The following AMACR variants were observed in gnomAD, a reference collection of about 807,000 sequenced individuals.
AMACR encodes the protein 2-methylacyl-CoA racemase.
AMACR carries 18 observed loss-of-function variants against 22.2 expected under a neutral mutation model. The observed-to-expected ratio is 0.81, with a 90% confidence interval of 0.56 to 1.20. The LOEUF (loss-of-function observed/expected upper bound fraction) is 1.20, where lower values mean the gene tolerates loss of function less well. Ranked by LOEUF, AMACR falls within the 50% of genes most tolerant of loss-of-function variation. AMACR has a pLI of 0.00. For synonymous variants in AMACR, 213 were observed against 191.3 expected, an observed-to-expected ratio of 1.11 and a Z score of -0.94; for missense variants, 499 against 490.6, an observed-to-expected ratio of 1.02 and a Z score of -0.16.
chr5:34,004,855 A>C, intron 2 of AMACR, 121 bp from the exon 3 acceptor site: 1 of 1,177,748 alleles, frequency 8.5e-7, no homozygotes, highest in East Asian at 2.6e-5. Context: ...GAAAGCTAGT[A>C]TACATCACTT....
intron 3 of AMACR, among the ~76,000 whole-genome samples, chr5:34,001,796 T>C (rs995058816): frequency 1.3e-5 from 2 of 152,158 alleles, no homozygotes; most frequent in Non-Finnish European, 2.9e-5. Context: ...TTCGGCCCAT[T>C]AGAAGGTATC....
At chr5:33,991,789 G>A (rs1039595534) in intron 4 of AMACR, among the ~76,000 whole-genome samples, 3 of 151,152 alleles carry the variant, frequency 2.0e-5, no homozygotes, top group Admixed American at 6.6e-5. Flanking sequence ...CACCCAGGCT[G>A]GAGTGCGGTG....
In AMACR at chr5:34,002,065, C is replaced by T. The variant is rs192593645; in HGVS notation, c.552+2509G>A. On this transcript the variant is annotated intron_variant, in intron 3 of 4. Transcript: ENST00000335606. ...AGGCTGAAGTGTAGTAGTGTGGTCT[C>T]GGCTCACTGCAACCTCTGCCTCCTG... Among the ~76,000 whole-genome samples the T allele has an allele frequency of 6.7e-3, 1,018 of 151,916 alleles. 11 individuals carry two copies. The highest frequency in any genetic ancestry group is 0.023 in the African/African-American group (971 of 41,378).
chr5:33,991,021 G>T (rs968270738), intron 4 of AMACR, among the ~76,000 whole-genome samples: 8 of 150,114 alleles, frequency 5.3e-5, no homozygotes, highest in African/African-American at 1.7e-4. Context: ...TGAGTGAAAG[G>T]CACATAAAAT....
At chr5:33,996,290 G>A (rs948325976) in intron 4 of AMACR, among the ~76,000 whole-genome samples, 38 of 152,152 alleles carry the variant, frequency 2.5e-4, no homozygotes, top group Admixed American at 2.5e-3. Context: ...AGGGGACTTT[G>A]AAAAGCTCCA....
At chr5:34,001,610 C>T (rs1402507066) in intron 3 of AMACR, among the ~76,000 whole-genome samples, 1 of 152,228 alleles carries the variant, frequency 6.6e-6, no homozygotes, top group Non-Finnish European at 1.5e-5. Flanking sequence ...GTTAATTTAA[C>T]AACGCTGTGC....
intron 4 of AMACR, among the ~76,000 whole-genome samples, chr5:33,990,231 G>C (rs1753435192): frequency 6.6e-6 from 1 of 152,180 alleles, no homozygotes; most frequent in Non-Finnish European, 1.5e-5. Context: ...CTAGGATGAA[G>C]GACTTGTAAG....
Position 34,004,666 on chromosome 5 carries a change from C to G in AMACR, c.460G>C (p.Ala154Pro). 1 of 1,614,202 alleles carries G rather than the reference C, an allele frequency of 6.2e-7. No individual in the cohort carries two copies. The highest frequency in any genetic ancestry group is 8.5e-7 in the Non-Finnish European group (1 of 1,180,052). The change falls in exon 3 of 5, where the codon GCT becomes CCT. Residue 154 changes from alanine to proline, a missense_variant. By Grantham distance (27) the Ala-to-Pro change is conservative. Coordinates refer to ENST00000335606, the MANE Select transcript of AMACR (RefSeq NM_014324.6). ...YAPLNLLADF[A>P]GGGLMCALGI... Reference sequence around the variant, plus strand: ...AGTGCACACATAAGGCCACCACCAGCAAAGTCAGCCAGGAGATTCAGCGGG... The same window carrying G: ...AGTGCACACATAAGGCCACCACCAGGAAAGTCAGCCAGGAGATTCAGCGGG...
intron 4 of AMACR, among the ~76,000 whole-genome samples, chr5:33,989,853 C>T (rs1274645419): frequency 6.6e-6 from 1 of 152,026 alleles, no homozygotes; most frequent in Non-Finnish European, 1.5e-5. Flanking sequence ...AAATAACTCC[C>T]TATTTTCTAT....
At chr5:33,995,177 C>A (rs1459672790) in intron 4 of AMACR, among the ~76,000 whole-genome samples, 1 of 152,168 alleles carries the variant, frequency 6.6e-6, no homozygotes, top group Non-Finnish European at 1.5e-5. Context: ...GCTATCAGCC[C>A]ATTAGTCACT....
intron 4 of AMACR, chr5:33,997,488 T>G (rs904856680): frequency 3.8e-6 from 3 of 779,906 alleles, no homozygotes; most frequent in Admixed American, 1.7e-5. Context: ...TGCTTCCTGT[T>G]GTATTTTCAG....
Position 33,997,609 on chromosome 5 carries a change from C to T in AMACR, c.739+1032G>A, listed in dbSNP as rs542211463. 13 of 732,040 alleles carry T rather than the reference C, an allele frequency of 1.8e-5. No individual in the cohort carries two copies. In the East Asian group the frequency reaches 2.2e-4, roughly 12 times the overall value. The allele number at this position is 732,040 out of a possible 1,614,324, so 45.3% of individuals were successfully genotyped here. On this transcript the variant is annotated intron_variant, in intron 4 of 4. Coordinates refer to ENST00000335606, the MANE Select transcript of AMACR (RefSeq NM_014324.6). ...GTGTTCATGGCTCCACAGAGCTCCA[C>T]CAGAGCATCATGAGCAGCCAGAGCT...
At position 34,004,595 on chromosome 5, in the gene AMACR, A is replaced by C; in HGVS notation, c.531T>G (p.Gly177=). 2 of 1,614,088 alleles carry C rather than the reference A, an allele frequency of 1.2e-6. No individual in the cohort carries two copies. The highest frequency in any genetic ancestry group is 1.7e-6 in the Non-Finnish European group (2 of 1,180,002). The change falls in exon 3 of 5, where the codon GGT becomes GGG. Residue 177 remains glycine (G), a synonymous_variant. Coordinates refer to ENST00000335606, the MANE Select transcript of AMACR (RefSeq NM_014324.6). ...TTACCATATTTGCATCAATGACCTG[A>C]CCCTTGCCAGTGCGTGTGCGGTCAA... ...ALFDRTRTGK[G]QVIDANMVEG...
chr5:34,006,549 T>C (rs963103589), intron 1 of AMACR, among the ~76,000 whole-genome samples: 1 of 152,192 alleles, frequency 6.6e-6, no homozygotes, highest in African/African-American at 2.4e-5. Flanking sequence ...CTAAAATAAA[T>C]CACAGAAAAC....
At position 34,007,977 on chromosome 5, in the gene AMACR, C is replaced by A. The variant is rs755722447; in HGVS notation, c.43G>T (p.Ala15Ser). ...ACCATAGCACAGAACGGGCCCGGGG[C>A]CAGGCCGGACAGCTCCACGACCGAG... ...GISVVELSGL[A>S]PGPFCAMVLA... The change falls in exon 1 of 5, where the codon GCC (alanine) becomes TCC (serine). Residue 15 changes from alanine to serine, a missense_variant. Physicochemically the swap from Ala to Ser is moderately conservative, Grantham distance 99 (BLOSUM62 1). Transcript: ENST00000335606. 1.9e-6 allele frequency: 3 copies of A among 1,611,516 alleles called. No homozygotes were observed. The highest frequency in any genetic ancestry group is 2.2e-5 in the East Asian group (1 of 44,866).
chr5:34,005,988 T>C (rs1753962693), intron 1 of AMACR, 89 bp from the exon 2 acceptor site: 2 of 1,447,554 alleles, frequency 1.4e-6, no homozygotes, highest in Non-Finnish European at 1.9e-6. Flanking sequence ...AATAGCACCA[T>C]TGCAAGTAAT....
Position 34,007,639 on chromosome 5 carries a change from T to C in AMACR, c.247+134A>G, listed in dbSNP as rs1754023841. On this transcript the variant is annotated intron_variant, in intron 1 of 4. Coordinates refer to ENST00000335606, the MANE Select transcript of AMACR (RefSeq NM_014324.6). Reference sequence around the variant, plus strand: ...CTAACAATACCCTAGGAGGCAAAAATCTGGAAGGCTGGGGCCGACAAGGGT... The same window carrying C: ...CTAACAATACCCTAGGAGGCAAAAACCTGGAAGGCTGGGGCCGACAAGGGT... 58 of 1,335,420 alleles carry C rather than the reference T, an allele frequency of 4.3e-5. No homozygotes were observed. The South Asian group carries it at 8.9e-4, about 21-fold the overall frequency. The allele number at this position is 1,335,420 out of a possible 1,614,324, so 82.7% of individuals were successfully genotyped here.
intron 2 of AMACR, among the ~76,000 whole-genome samples, chr5:34,005,000 T>C (rs926371891): frequency 3.3e-5 from 5 of 152,254 alleles, no homozygotes; most frequent in Non-Finnish European, 7.3e-5. Context: ...ACTCACTTAC[T>C]TTTGGAAAAG....
At chr5:33,997,197 T>C (rs1364731381) in intron 4 of AMACR, 7 of 760,952 alleles carry the variant, frequency 9.2e-6, no homozygotes, top group Non-Finnish European at 1.7e-5. Context: ...TATATGAGGG[T>C]TGAGAGCTGT....
Sources: allele counts gnomAD v4.1 joint callset (sites outside exome capture counted in the v4.1 genomes callset), GRCh38; gene constraint gnomAD v4.1.1; transcripts MANE v1.5; gene names NCBI Gene and HGNC (gene_info 2026-07-23, HGNC 2026-07-21).